Variants in DNAH10 observed in about 807,000 individuals in gnomAD.
The protein encoded by DNAH10 is axonemal beta dynein heavy chain 10.
A neutral mutation model predicts 506.6 loss-of-function variants in DNAH10; 348 were observed. The ratio of observed to expected loss-of-function variants is 0.69; its 90% confidence interval spans 0.63 to 0.75. DNAH10 has a LOEUF of 0.75. Among genes scored for constraint, DNAH10 ranks in the 30% least tolerant of loss-of-function variants. The pLI, the probability that DNAH10 is intolerant of heterozygous loss-of-function variation, is 0.00. For missense variants in DNAH10, 5,179 were observed against 5,787.1 expected (o/e 0.89, Z 3.41); for synonymous variants, 2,059 against 2,198.6 (o/e 0.94, Z 1.78).
At chr12:123,862,700 T>G (rs1951659289) in intron 39 of DNAH10, among the ~76,000 whole-genome samples, 1 of 152,210 alleles carries the variant, frequency 6.6e-6, no homozygotes, top group African/African-American at 2.4e-5. Context: ...CGTTGAGTCC[T>G]TTTATAGTGA....
Position 123,879,804 on chromosome 12 carries a change from G to C in DNAH10, c.8634+3G>C. On this transcript the variant is annotated splice_donor_region_variant and intron_variant, in intron 50 of 78. Transcript: ENST00000673944. ...AGGCGGCCAAGGCTCTGTTCCAGGT[G>C]GGGATGAGCCCCACCCTGTCCATGG... The C allele has an allele frequency of 6.2e-7, 1 of 1,613,688 alleles. No homozygotes were observed. Among genetic ancestry groups the C allele is most frequent in the South Asian group, 1.1e-5 (1 of 91,042 alleles).
At chr12:123,795,510 G>A (rs1023528502) in intron 12 of DNAH10, among the ~76,000 whole-genome samples, 23 of 152,168 alleles carry the variant, frequency 1.5e-4, no homozygotes, top group Middle Eastern at 3.4e-3. Flanking sequence ...AGCCAGTGGT[G>A]GCCACTTTCA....
chr12:123,846,212 T>C lies in DNAH10; in HGVS notation c.5814+58T>C. The stretch of plus-strand genomic sequence containing the variant: ...TTACCTTGGGGCGGGGCATTTTCTC[T>C]AAGCTTGAGGTGTGATGACTGCAGT... On this transcript the variant is annotated intron_variant, in intron 32 of 78. Coordinates refer to ENST00000673944, the MANE Select transcript of DNAH10 (RefSeq NM_001372106.1). This position sits in a 1 kb window ranked among gnomAD's most constrained non-coding sequence, Gnocchi z 4.5. 6.4e-7 allele frequency: 1 copy of C among 1,555,728 alleles called. No individual in the cohort carries two copies. The highest frequency in any genetic ancestry group is 1.2e-5 in the South Asian group (1 of 83,302).
chr12:123,819,965 A>G (rs929538688), intron 23 of DNAH10, among the ~76,000 whole-genome samples: 1 of 152,110 alleles, frequency 6.6e-6, no homozygotes, highest in Non-Finnish European at 1.5e-5. Context: ...TCAGCCTCCC[A>G]AAGTGCTGGG....
intron 21 of DNAH10, among the ~76,000 whole-genome samples, chr12:123,818,122 T>C (rs1012267122): frequency 1.3e-5 from 2 of 152,010 alleles, no homozygotes; most frequent in African/African-American, 2.4e-5. Context: ...TAATTTTGTA[T>C]TTTTAGTAGA....
chr12:123,785,831 C>A lies in DNAH10; in HGVS notation c.1316C>A (p.Ser439Tyr). The A allele has an allele frequency of 6.2e-7, 1 of 1,614,088 alleles. No individual in the cohort carries two copies. The highest frequency in any genetic ancestry group is 8.5e-7 in the Non-Finnish European group (1 of 1,180,010). ...MSALRMVWII[S>Y]RHYNKDERMI... ...GCCCTGCGGATGGTGTGGATCATCT[C>A]CCGACACTACAACAAAGACGAGAGG... The change falls in exon 9 of 79, where the codon TCC (serine) becomes TAC (tyrosine). Residue 439 changes from serine (S) to tyrosine (Y), a missense_variant. Ser to Tyr is a moderately radical substitution (Grantham distance 144). This residue lies in a region of DNAH10 where 4,844 missense variants were observed against 5,430.5 expected (regional missense o/e 0.89). Transcript: ENST00000673944. The surrounding 1 kb of genome is among the most constrained non-coding windows in gnomAD (Gnocchi z 4.1).
chr12:123,906,784 G>A (rs928704297), intron 57 of DNAH10, among the ~76,000 whole-genome samples: 1 of 152,076 alleles, frequency 6.6e-6, no homozygotes, highest in Non-Finnish European at 1.5e-5. Flanking sequence ...GCAATGAGCC[G>A]GCACTTACAT....
chr12:123,859,250 T>G lies in DNAH10; in HGVS notation c.6731T>G (p.Leu2244Arg), dbSNP rs776872065. 1 of 1,608,392 alleles carries G rather than the reference T, an allele frequency of 6.2e-7. No homozygotes were observed. The highest frequency in any genetic ancestry group is 8.5e-7 in the Non-Finnish European group (1 of 1,178,002). The change falls in exon 38 of 79, where the codon CTG becomes CGG. Residue 2244 changes from leucine to arginine, a missense_variant. By Grantham distance (102) the Leu-to-Arg change is moderately radical (BLOSUM62 -2). Transcript: ENST00000673944. Reference sequence around the variant, plus strand: ...GGCAAGTCCGTCGTCATTAACACTCTGTGTCAGGCCCAGACCAAGTGAGTA... The same window carrying G: ...GGCAAGTCCGTCGTCATTAACACTCGGTGTCAGGCCCAGACCAAGTGAGTA... ...RGGKSVVINT[L>R]CQAQTKLGLT...
At chr12:123,768,366 C>T (rs1019731451) in intron 2 of DNAH10, among the ~76,000 whole-genome samples, 1 of 152,098 alleles carries the variant, frequency 6.6e-6, no homozygotes, top group Non-Finnish European at 1.5e-5. Flanking sequence ...AACTCCCGTC[C>T]TCAGGTGATC....
chr12:123,788,465 A>T (rs1957947577), intron 10 of DNAH10, among the ~76,000 whole-genome samples: 1 of 152,130 alleles, frequency 6.6e-6, no homozygotes, highest in African/African-American at 2.4e-5. Context: ...CCACCCCTTC[A>T]TTCTAAATGC....
intron 51 of DNAH10, among the ~76,000 whole-genome samples, chr12:123,884,706 T>C (rs1299259804): frequency 1.3e-5 from 2 of 152,158 alleles, no homozygotes; most frequent in African/African-American, 4.8e-5. Context: ...TTTGTGTGTG[T>C]GTGTGGGGAG....
chr12:123,932,117 C>T lies in DNAH10; in HGVS notation c.13296+9C>T, dbSNP rs761631118. 3.1e-6 allele frequency: 5 copies of T among 1,612,804 alleles called. No homozygotes were observed. In the Admixed American group the frequency reaches 5.0e-5, roughly 16 times the overall value. Reference sequence around the variant, plus strand: ...GCCAGTACATGTTGTGGGTAAGTGGCACGTCACCGCCTCCTCTCTGCCGAT... The same window carrying T: ...GCCAGTACATGTTGTGGGTAAGTGGTACGTCACCGCCTCCTCTCTGCCGAT... On this transcript the variant is annotated intron_variant, in intron 76 of 78. Transcript: ENST00000673944.
At chr12:123,924,111 C>T (rs1034670848) in intron 66 of DNAH10, 167 bp from the exon 67 acceptor site, 17 of 929,042 alleles carry the variant, frequency 1.8e-5, no homozygotes, top group Admixed American at 2.9e-5. Flanking sequence ...GCACTGAGCG[C>T]CTGGTTGGTG....
intron 54 of DNAH10, among the ~76,000 whole-genome samples, chr12:123,897,082 G>A (rs558726195): frequency 2.6e-5 from 4 of 152,278 alleles, no homozygotes; most frequent in South Asian, 2.1e-4. Context: ...GAGAGGGTTC[G>A]TATAAGTGGA....
intron 56 of DNAH10, among the ~76,000 whole-genome samples, chr12:123,901,287 A>AC (rs909005334): frequency 1.3e-5 from 2 of 148,434 alleles, no homozygotes; most frequent in Admixed American, 6.7e-5. Flanking sequence ...ACCACCCCCC[A>AC]CCCCCGCGCC....
At chr12:123,894,567 G>C in intron 53 of DNAH10, 76 bp from the exon 54 acceptor site, 1 of 1,402,338 alleles carries the variant, frequency 7.1e-7, no homozygotes, top group South Asian at 1.2e-5. Context: ...CCTGATTTTT[G>C]TATTTTTTGT....
At position 123,879,820 on chromosome 12, in the gene DNAH10, C is replaced by T; in HGVS notation, c.8634+19C>T. On this transcript the variant is annotated intron_variant, in intron 50 of 78. Transcript: ENST00000673944. ...GTTCCAGGTGGGGATGAGCCCCACC[C>T]TGTCCATGGGCTCACTTTCTCCTGA... 1 of 1,609,854 alleles carries T rather than the reference C, an allele frequency of 6.2e-7. No homozygotes were observed. The highest frequency in any genetic ancestry group is 8.5e-7 in the Non-Finnish European group (1 of 1,177,164).
Position 123,853,276 on chromosome 12 carries a change from A to AT in DNAH10, c.6366dup (p.Gly2123TrpfsTer14). ...CAGCTGTCCAAGCAGTATCACTATG[A>AT]TTTTGGACTCAGAGCCCTGAAATCG... On this transcript the variant is annotated frameshift_variant, in exon 36 of 79. Coordinates refer to ENST00000673944, the MANE Select transcript of DNAH10 (RefSeq NM_001372106.1). LOFTEE classifies it high-confidence loss of function. This position sits in a 1 kb window ranked among gnomAD's most constrained non-coding sequence, Gnocchi z 4.7. 1.9e-6 allele frequency: 3 copies of AT among 1,611,442 alleles called. No homozygotes were observed. Among genetic ancestry groups the AT allele is most frequent in the Non-Finnish European group, 2.5e-6 (3 of 1,178,840 alleles).
chr12:123,893,035 G>A (rs113270917), intron 52 of DNAH10, among the ~76,000 whole-genome samples, 198 bp from the exon 53 acceptor site: 7,312 of 152,290 alleles, frequency 0.048, 575 homozygotes, highest in African/African-American at 0.17. Flanking sequence ...TAGGATCCCC[G>A]TTTGACAGAC....
Sources: gnomAD v4.1 joint callset for allele counts (sites outside exome capture counted in the v4.1 genomes callset) on GRCh38, gnomAD v4.1.1 for gene constraint, gnomAD v4.1.1 regional missense constraint, Gnocchi (gnomAD v3.1) non-coding constraint, MANE v1.5 for transcripts, NCBI Gene and HGNC (gene_info 2026-07-23, HGNC 2026-07-21) for gene names.